Variants in UBE3D observed in about 807,000 individuals in gnomAD.
UBE3D encodes the protein E3 ubiquitin-protein ligase E3D.
UBE3D carries 48 observed loss-of-function variants against 49.6 expected under a neutral mutation model. The ratio of observed to expected loss-of-function variants is 0.97; its 90% CI spans 0.77 to 1.23. The LOEUF (loss-of-function observed/expected upper bound fraction) is 1.23. UBE3D is among the 50% of genes most tolerant of loss of function. The probability of loss-of-function intolerance (pLI) is 0.00; values close to 1 mark genes in which losing one functional copy is unlikely to be tolerated. For missense variants in UBE3D, 452 were observed against 468.4 expected, an observed-to-expected ratio of 0.96 and a Z score of 0.32; for synonymous variants, 189 against 174.2, an observed-to-expected ratio of 1.08 and a Z score of -0.67.
At chr6:82,923,254 G>A (rs188184974) in intron 9 of UBE3D, among the ~76,000 whole-genome samples, 11 of 152,282 alleles carry the variant, frequency 7.2e-5, no homozygotes, top group South Asian at 2.1e-4. Flanking sequence ...AAAGACACAC[G>A]TACACGTATG....
At chr6:82,904,709 GTTTA>G (rs1447167260) in intron 9 of UBE3D, among the ~76,000 whole-genome samples, 3 of 152,090 alleles carry the variant, frequency 2.0e-5, no homozygotes, top group Non-Finnish European at 4.4e-5. Flanking sequence ...ATGTTTAATT[GTTTA>G]TTTTTAAAGG....
intron 9 of UBE3D, among the ~76,000 whole-genome samples, chr6:82,918,807 C>A (rs1773111638): frequency 6.6e-6 from 1 of 151,636 alleles, no homozygotes; most frequent in Non-Finnish European, 1.5e-5. Flanking sequence ...GCCAGACCCC[C>A]TCATCTCTCA....
At chr6:82,970,569 G>T (rs1777275690) in intron 8 of UBE3D, among the ~76,000 whole-genome samples, 1 of 152,200 alleles carries the variant, frequency 6.6e-6, no homozygotes. Context: ...GCCGGGCGCT[G>T]TGGCTCACGC....
At chr6:83,064,648 C>G (rs1784386673) in intron 1 of UBE3D, among the ~76,000 whole-genome samples, 1 of 151,920 alleles carries the variant, frequency 6.6e-6, no homozygotes, top group Non-Finnish European at 1.5e-5. Flanking sequence ...CCTAATTACT[C>G]TACAAGGTGC....
intron 9 of UBE3D, 81 bp from the exon 10 acceptor site, chr6:82,893,123 G>T: frequency 7.3e-6 from 11 of 1,510,664 alleles, no homozygotes; most frequent in Non-Finnish European, 9.2e-7. Context: ...TCAGAATCAG[G>T]TTAAGTCTGG....
At chr6:82,991,951 A>C (rs1778913845) in intron 8 of UBE3D, among the ~76,000 whole-genome samples, 1 of 152,196 alleles carries the variant, frequency 6.6e-6, no homozygotes, top group South Asian at 2.1e-4. Context: ...TAATTAGTGT[A>C]CCTGTAAAAG....
intron 3 of UBE3D, among the ~76,000 whole-genome samples, chr6:83,053,652 A>AT (rs1447119294): frequency 1.3e-5 from 2 of 152,236 alleles, no homozygotes; most frequent in Non-Finnish European, 2.9e-5. Context: ...AAATGACAAA[A>AT]TTAACCTAAT....
intron 5 of UBE3D, among the ~76,000 whole-genome samples, chr6:83,030,419 C>T (rs916400409): frequency 6.6e-6 from 1 of 152,184 alleles, no homozygotes; most frequent in African/African-American, 2.4e-5. Context: ...TTCCCCTGCA[C>T]AAGCTCTCTT....
intron 5 of UBE3D, among the ~76,000 whole-genome samples, chr6:83,025,956 T>C (rs1781432990): frequency 6.6e-6 from 1 of 151,518 alleles, no homozygotes; most frequent in Admixed American, 6.6e-5. Context: ...TAAGAATTTA[T>C]TTCAAAAAAA....
chr6:83,055,250 T>C (rs1456618170), intron 2 of UBE3D, among the ~76,000 whole-genome samples: 2 of 152,206 alleles, frequency 1.3e-5, no homozygotes, highest in Admixed American at 6.5e-5. Context: ...TTTAAAAGAA[T>C]GAACTAAAAT....
chr6:82,950,646 C>A (rs12203819), intron 9 of UBE3D, among the ~76,000 whole-genome samples: 8 of 151,954 alleles, frequency 5.3e-5, no homozygotes, highest in African/African-American at 1.9e-4. Context: ...AAGAGATATC[C>A]GCACTCCCAT....
At chr6:82,971,369 A>G (rs1031349329) in intron 8 of UBE3D, among the ~76,000 whole-genome samples, 1 of 151,954 alleles carries the variant, frequency 6.6e-6, no homozygotes, top group Non-Finnish European at 1.5e-5. Context: ...CAGTCAAAGT[A>G]TGTGGGTTGA....
chr6:82,888,764 T>G (rs1228332511), downstream of UBE3D, among the ~76,000 whole-genome samples: 1 of 152,216 alleles, frequency 6.6e-6, no homozygotes, highest in Non-Finnish European at 1.5e-5. Flanking sequence ...TAGGGACATA[T>G]TTTTAAAAGA....
chr6:82,985,480 A>T (rs1778416559), intron 8 of UBE3D, among the ~76,000 whole-genome samples: 1 of 152,058 alleles, frequency 6.6e-6, no homozygotes, highest in African/African-American at 2.4e-5. Flanking sequence ...CTCCTGCTTC[A>T]GCCTCCCAAG....
At chr6:83,029,151 A>T (rs1027143504) in intron 5 of UBE3D, among the ~76,000 whole-genome samples, 5 of 152,198 alleles carry the variant, frequency 3.3e-5, no homozygotes, top group East Asian at 1.9e-4. Context: ...CAATATTTTT[A>T]AAATAATTTG....
intron 2 of UBE3D, among the ~76,000 whole-genome samples, chr6:83,054,655 A>ATT (rs558524870): frequency 3.4e-5 from 5 of 145,730 alleles, no homozygotes; most frequent in Non-Finnish European, 7.6e-5. Context: ...TTTGAGTTTA[A>ATT]TTTTTTTTTT....
rs1482756501 is a variant in UBE3D, at chr6:83,057,922, C to T, written c.178G>A (p.Glu60Lys). 1.2e-6 allele frequency: 2 copies of T among 1,614,096 alleles called. No homozygotes were observed. The highest frequency in any genetic ancestry group is 1.6e-4 in the Middle Eastern group (1 of 6,084). ...EGCTEIQLPAEVRLVPSSCRG... is the reference protein window; with the variant it reads ...EGCTEIQLPAKVRLVPSSCRG... Reference sequence around the variant, plus strand: ...CAAGAGGAAGGTACAAGCCTGACCTCTGCTGGAAGCTGGATTTCTGTGCAG... The same window carrying T: ...CAAGAGGAAGGTACAAGCCTGACCTTTGCTGGAAGCTGGATTTCTGTGCAG... The change falls in exon 2 of 10, where the codon GAG (glutamate) becomes AAG (lysine). Residue 60 changes from glutamate to lysine, a missense_variant. Glu to Lys is a moderately conservative substitution (Grantham distance 56). Transcript: ENST00000369747.
intron 8 of UBE3D, among the ~76,000 whole-genome samples, chr6:82,991,715 A>G (rs1251547135): frequency 6.6e-6 from 1 of 152,166 alleles, no homozygotes; most frequent in Admixed American, 6.5e-5. Context: ...AAAAGAACAA[A>G]ATAAGCATAG....
At chr6:82,882,693 A>C in the UBE3D span, among the ~76,000 whole-genome samples, 1 of 152,238 alleles carries the variant, frequency 6.6e-6, no homozygotes, top group Non-Finnish European at 1.5e-5. Context: ...TATCTGAAAC[A>C]GTAGCTCAAT....
Sources: gnomAD v4.1 joint callset for allele counts (sites outside exome capture counted in the v4.1 genomes callset) on GRCh38, gnomAD v4.1.1 for gene constraint, MANE v1.5 for transcripts, NCBI Gene and HGNC (gene_info 2026-07-23, HGNC 2026-07-21) for gene names.